The following TWSG1 variants were observed in gnomAD, a reference collection of about 807,000 sequenced individuals.
TWSG1 encodes the protein twisted gastrulation BMP signaling modulator 1, also known as twisted gastrulation protein homolog 1.
In TWSG1, 15 loss-of-function variants were observed where a neutral mutation model predicts 23.0. The ratio of observed to expected loss-of-function variants is 0.65; its 90% CI spans 0.44 to 1.00. TWSG1 has a LOEUF of 1.00. Among genes scored for constraint, TWSG1 ranks in the 50% least tolerant of loss-of-function variants. The pLI is 0.00. For synonymous variants in TWSG1, 86 were observed against 92.8 expected (o/e 0.93, Z 0.42); for missense variants, 242 against 278.7 (o/e 0.87, Z 0.94).
chr18:9,382,099 C>G (rs889619087), intron 3 of TWSG1, among the ~76,000 whole-genome samples: 18 of 129,738 alleles, frequency 1.4e-4, no homozygotes, highest in African/African-American at 5.3e-4. Context: ...TTTTTTTTTC[C>G]ATTTACAGAA....
intron 2 of TWSG1, among the ~76,000 whole-genome samples, chr18:9,349,810 T>G (rs1206996245): frequency 6.6e-6 from 1 of 152,200 alleles, no homozygotes; most frequent in Non-Finnish European, 1.5e-5. Context: ...TCCTAAATTG[T>G]TTCTTTCCTC....
chr18:9,357,206 G>T (rs1170738953), intron 2 of TWSG1, among the ~76,000 whole-genome samples: 1 of 152,062 alleles, frequency 6.6e-6, no homozygotes. Flanking sequence ...TTTCTGATAG[G>T]CCCAGCAAAG....
chr18:9,387,308 A>T (rs1305495064), intron 3 of TWSG1, among the ~76,000 whole-genome samples: 1 of 152,248 alleles, frequency 6.6e-6, no homozygotes, highest in African/African-American at 2.4e-5. Flanking sequence ...TTCTCCATAA[A>T]GGAATTAAAT....
intron 2 of TWSG1, among the ~76,000 whole-genome samples, chr18:9,338,273 G>T (rs894890147): frequency 2.6e-5 from 4 of 152,236 alleles, no homozygotes; most frequent in Non-Finnish European, 5.9e-5. Flanking sequence ...AATTCTACTT[G>T]CCCCCATTTC....
At chr18:9,350,557 G>T (rs1450936306) in intron 2 of TWSG1, among the ~76,000 whole-genome samples, 2 of 152,166 alleles carry the variant, frequency 1.3e-5, no homozygotes, top group African/African-American at 2.4e-5. Flanking sequence ...TTCACTGGGG[G>T]ACTTGTACAG....
intron 3 of TWSG1, among the ~76,000 whole-genome samples, chr18:9,364,804 AAAG>A (rs200281482): frequency 0.061 from 9,300 of 151,966 alleles, 332 homozygotes; most frequent in South Asian, 0.087. Context: ...AGAAAAAAAA[AAAG>A]AAGAAGAAGA....
intron 2 of TWSG1, among the ~76,000 whole-genome samples, chr18:9,359,718 A>G (rs1340607043): frequency 6.6e-6 from 1 of 152,214 alleles, no homozygotes; most frequent in African/African-American, 2.4e-5. Flanking sequence ...GTTATGGATT[A>G]TAAAATAAAA....
intron 2 of TWSG1, among the ~76,000 whole-genome samples, chr18:9,345,775 A>G (rs991942146): frequency 6.6e-5 from 10 of 152,158 alleles, no homozygotes; most frequent in African/African-American, 2.2e-4. Flanking sequence ...CAACTTGTCA[A>G]TTTCTGTAAT....
At position 9,337,268 on chromosome 18, in the gene TWSG1, C is replaced by T. The variant is rs1028557697; in HGVS notation, c.39C>T (p.Ile13=). ...LHYVAVLTLA[I]LMFLTWLPES... ...ATGTTGCTGTGCTTACTCTAGCCATCCTGATGTTCCTGACATGGCTTCCAG... is the reference window on the plus strand; with the variant it reads ...ATGTTGCTGTGCTTACTCTAGCCATTCTGATGTTCCTGACATGGCTTCCAG... Residue 13 remains isoleucine (I), a synonymous_variant, in exon 2 of 5, where the codon ATC becomes ATT. Coordinates refer to ENST00000262120, the MANE Select transcript of TWSG1 (RefSeq NM_020648.6). 3.1e-6 allele frequency: 5 copies of T among 1,613,166 alleles called. No homozygotes were observed. In the African/African-American group the frequency reaches 4.0e-5, roughly 13 times the overall value.
chr18:9,370,590 G>A (rs1370566498), intron 3 of TWSG1, among the ~76,000 whole-genome samples: 1 of 152,176 alleles, frequency 6.6e-6, no homozygotes, highest in Non-Finnish European at 1.5e-5. Flanking sequence ...CCGAAGACTA[G>A]AGTCATTTAG....
At chr18:9,370,095 G>A (rs55767449) in intron 3 of TWSG1, among the ~76,000 whole-genome samples, 4 of 152,056 alleles carry the variant, frequency 2.6e-5, no homozygotes, top group Admixed American at 6.6e-5. Flanking sequence ...TGAGGTGGGC[G>A]GATCATGAGG....
At chr18:9,398,961 T>C (rs2040750195) in intron 4 of TWSG1, among the ~76,000 whole-genome samples, 1 of 151,044 alleles carries the variant, frequency 6.6e-6, no homozygotes, top group Admixed American at 6.6e-5. Flanking sequence ...TGAGCCAAGA[T>C]CACACCACTG....
chr18:9,340,203 C>A lies in TWSG1; in HGVS notation c.123+2851C>A, dbSNP rs929230739. On this transcript the variant is annotated intron_variant, in intron 2 of 4. Transcript: ENST00000262120. ...CTAACATGGTGAAACCCCGTCTCTACTAAAAATACGAAAAATTAGCCAGGC... is the reference window on the plus strand; with the variant it reads ...CTAACATGGTGAAACCCCGTCTCTAATAAAAATACGAAAAATTAGCCAGGC... Among the ~76,000 whole-genome samples the A allele has an allele frequency of 2.7e-4, 41 of 151,654 alleles. 1 individual carries two copies. The highest frequency in any genetic ancestry group is 5.3e-4 in the Admixed American group (8 of 15,224).
chr18:9,394,012 C>T (rs1361475974), intron 3 of TWSG1, among the ~76,000 whole-genome samples: 3 of 152,052 alleles, frequency 2.0e-5, no homozygotes, highest in Admixed American at 6.5e-5. Context: ...CTCAAAAAAC[C>T]ACAAATAGAA....
chr18:9,378,059 C>A (rs1216420497), intron 3 of TWSG1, among the ~76,000 whole-genome samples: 1 of 152,196 alleles, frequency 6.6e-6, no homozygotes, highest in Admixed American at 6.5e-5. Context: ...AAAGAAAGAA[C>A]TGATAAGCCG....
Position 9,385,695 on chromosome 18 carries a change from CAAAAAAAAAAAAAAA to C in TWSG1, c.224-10573_224-10559del, listed in dbSNP as rs71168054. Among the ~76,000 whole-genome samples, 10 of 29,558 alleles carry C rather than the reference CAAAAAAAAAAAAAAA, an allele frequency of 3.4e-4. 1 individual carries two copies. The highest frequency in any genetic ancestry group is 2.1e-3 in the Admixed American group (4 of 1,944). 19.4% of individuals were successfully genotyped at this position (29,558 alleles called of 152,430 possible). A position where few individuals can be genotyped will look rare whatever the true frequency, so the allele number is the denominator to read the frequency against. ...TGGGCGACAGAGCGAGACTCCGTCT[CAAAAAAAAAAAAAAA>C]AAAAAAAAAAAGAAAGAACGAAGTA... is the stretch of plus-strand genomic sequence containing the variant. On this transcript the variant is annotated intron_variant, in intron 3 of 4. Transcript: ENST00000262120.
chr18:9,360,422 G>A (rs187093819), intron 3 of TWSG1, among the ~76,000 whole-genome samples: 3 of 152,110 alleles, frequency 2.0e-5, no homozygotes, highest in Admixed American at 2.0e-4. Context: ...TCCAAGATGT[G>A]TTAAGTAAAA....
At chr18:9,391,026 T>TA (rs1427483573) in intron 3 of TWSG1, among the ~76,000 whole-genome samples, 1 of 152,074 alleles carries the variant, frequency 6.6e-6, no homozygotes, top group African/African-American at 2.4e-5. Flanking sequence ...TAAATAAAAA[T>TA]AAAAAATTGG....
At chr18:9,342,868 A>G (rs1340017214) in intron 2 of TWSG1, among the ~76,000 whole-genome samples, 2 of 152,184 alleles carry the variant, frequency 1.3e-5, no homozygotes, top group Non-Finnish European at 2.9e-5. Context: ...CATGTCTTGA[A>G]GATGTATTTA....
Sources: gnomAD v4.1 joint callset for allele counts (sites outside exome capture counted in the v4.1 genomes callset) on GRCh38, gnomAD v4.1.1 for gene constraint, MANE v1.5 for transcripts, NCBI Gene and HGNC (gene_info 2026-07-23, HGNC 2026-07-21) for gene names.